Variants in CMSS1 observed in about 807,000 individuals in gnomAD.
CMSS1 encodes the protein cms1 ribosomal small subunit homolog.
In CMSS1, 33 loss-of-function variants were observed where a neutral mutation model predicts 43.5. The observed-to-expected ratio is 0.76, with a 90% CI of 0.57 to 1.01. The LOEUF (loss-of-function observed/expected upper bound fraction) is 1.01. Among genes scored for constraint, CMSS1 ranks in the 50% least tolerant of loss-of-function variants. The pLI is 0.00. For synonymous variants in CMSS1, 115 were observed against 117.2 expected (o/e 0.98, Z 0.12); for missense variants, 313 against 326.4 (o/e 0.96, Z 0.32).
intron 1 of CMSS1, among the ~76,000 whole-genome samples, chr3:100,072,821 T>G (rs187277708): frequency 1.6e-4 from 24 of 152,182 alleles, no homozygotes; most frequent in Admixed American, 1.3e-4. Context: ...GACTCATGAG[T>G]CACTTCAATA....
intron 1 of CMSS1, among the ~76,000 whole-genome samples, chr3:99,984,608 C>T (rs1293944855): frequency 6.6e-6 from 1 of 152,200 alleles, no homozygotes; most frequent in East Asian, 1.9e-4. Context: ...AAAATTTCCC[C>T]CTTCAAGTGC....
At chr3:99,931,990 A>C (rs35927824) in intron 1 of CMSS1, among the ~76,000 whole-genome samples, 617 of 152,326 alleles carry the variant, frequency 4.1e-3, no homozygotes, top group Middle Eastern at 0.01. Context: ...CCTTACTTTT[A>C]GTTTGTAGTA....
At chr3:99,891,533 T>A (rs1320686414) in intron 1 of CMSS1, among the ~76,000 whole-genome samples, 1 of 152,176 alleles carries the variant, frequency 6.6e-6, no homozygotes. Flanking sequence ...ATTGTATATA[T>A]TTTATTTTGC....
chr3:99,989,798 A>G (rs2107127552), intron 1 of CMSS1, among the ~76,000 whole-genome samples: 1 of 152,178 alleles, frequency 6.6e-6, no homozygotes, highest in East Asian at 1.9e-4. Flanking sequence ...TTGATTTGAT[A>G]GAAAGGAAAA....
chr3:100,129,979 TG>T (rs1159703759), intron 1 of CMSS1, among the ~76,000 whole-genome samples: 8 of 152,222 alleles, frequency 5.3e-5, no homozygotes, highest in Non-Finnish European at 1.2e-4. Context: ...GAAATGACTC[TG>T]TATATATTCT....
intron 1 of CMSS1, among the ~76,000 whole-genome samples, chr3:100,004,932 A>G (rs1229195092): frequency 6.6e-6 from 1 of 152,142 alleles, no homozygotes; most frequent in African/African-American, 2.4e-5. Flanking sequence ...CCCATTAGAT[A>G]TTGGATTTCA....
At chr3:99,921,118 G>T (rs1043801066) in intron 1 of CMSS1, among the ~76,000 whole-genome samples, 2 of 152,100 alleles carry the variant, frequency 1.3e-5, no homozygotes, top group African/African-American at 4.8e-5. Flanking sequence ...GACCCTTCAG[G>T]ATAAGTTAGT....
chr3:99,822,494 G>T (rs764544121), intron 1 of CMSS1, among the ~76,000 whole-genome samples: 1 of 152,194 alleles, frequency 6.6e-6, no homozygotes, highest in Non-Finnish European at 1.5e-5. Flanking sequence ...ACTTTGGGAG[G>T]CTGAGGCAGG....
intron 1 of CMSS1, among the ~76,000 whole-genome samples, chr3:99,822,162 C>A (rs1402350474): frequency 6.6e-6 from 1 of 152,126 alleles, no homozygotes; most frequent in Non-Finnish European, 1.5e-5. Context: ...AAGTCGAGTA[C>A]CCAGTAGGCA....
intron 1 of CMSS1, among the ~76,000 whole-genome samples, chr3:100,146,342 ATC>A (rs2066849638): frequency 6.6e-6 from 1 of 152,130 alleles, no homozygotes; most frequent in East Asian, 1.9e-4. Context: ...CTTTGTCACA[ATC>A]TCTCAACATT....
At chr3:100,070,654 G>A (rs77673664) in intron 1 of CMSS1, among the ~76,000 whole-genome samples, 46 of 152,010 alleles carry the variant, frequency 3.0e-4, no homozygotes, top group African/African-American at 1.1e-3. Flanking sequence ...TTTTTGAGAC[G>A]GAGTTTCACT....
intron 1 of CMSS1, among the ~76,000 whole-genome samples, chr3:99,841,296 A>G (rs1943119106): frequency 6.6e-6 from 1 of 152,256 alleles, no homozygotes. Flanking sequence ...CAAATATATC[A>G]AATTATAAAC....
At chr3:100,021,255 T>C (rs563982066) in intron 1 of CMSS1, among the ~76,000 whole-genome samples, 3 of 152,226 alleles carry the variant, frequency 2.0e-5, no homozygotes, top group Non-Finnish European at 4.4e-5. Context: ...TGACACCCTA[T>C]AGAGCTCTCC....
intron 1 of CMSS1, among the ~76,000 whole-genome samples, chr3:100,091,593 C>T (rs1200176253): frequency 6.6e-6 from 1 of 152,222 alleles, no homozygotes; most frequent in East Asian, 1.9e-4. Context: ...AACTTACGTG[C>T]CTGACTTACA....
chr3:99,919,130 G>C (rs1184375296), intron 1 of CMSS1, among the ~76,000 whole-genome samples: 1 of 151,984 alleles, frequency 6.6e-6, no homozygotes, highest in Non-Finnish European at 1.5e-5. Context: ...TGAGATTTAA[G>C]ACCAAAGAAA....
intron 2 of CMSS1, among the ~76,000 whole-genome samples, chr3:100,152,968 C>T (rs1458805960): frequency 3.9e-5 from 6 of 152,222 alleles, no homozygotes; most frequent in Non-Finnish European, 7.3e-5. Flanking sequence ...AATCAGTACA[C>T]TCACTCCAGA....
intron 1 of CMSS1, among the ~76,000 whole-genome samples, chr3:100,079,894 T>C (rs1254154779): frequency 6.6e-6 from 1 of 152,220 alleles, no homozygotes; most frequent in Admixed American, 6.5e-5. Context: ...GTTGGGATTT[T>C]TTCTTTTTAT....
chr3:100,044,581 G>A (rs1314502507), intron 1 of CMSS1, among the ~76,000 whole-genome samples: 7 of 152,148 alleles, frequency 4.6e-5, no homozygotes, highest in Non-Finnish European at 1.0e-4. Flanking sequence ...GTGAAAGAGA[G>A]GGAAGTAGAA....
chr3:100,174,484 T>A (rs1335855962), intron 8 of CMSS1, among the ~76,000 whole-genome samples: 1 of 152,068 alleles, frequency 6.6e-6, no homozygotes, highest in Non-Finnish European at 1.5e-5. Flanking sequence ...GACCTCAATA[T>A]GAAGGCTTAT....
Sources: allele counts gnomAD v4.1 joint callset (sites outside exome capture counted in the v4.1 genomes callset), GRCh38; gene constraint gnomAD v4.1.1; transcripts MANE v1.5; gene names NCBI Gene and HGNC (gene_info 2026-07-23, HGNC 2026-07-21).